The following DLG2 variants were observed in gnomAD, a reference collection of about 807,000 sequenced individuals.
DLG2 encodes disks large homolog 2.
DLG2 carries 45 observed loss-of-function variants against 132.5 expected under a neutral mutation model. The observed-to-expected ratio is 0.34, with a 90% CI of 0.27 to 0.44. DLG2 has a LOEUF of 0.44. Among genes scored for constraint, DLG2 ranks in the 20% least tolerant of loss-of-function variants. The pLI is 1.00. For missense variants in DLG2, 1,045 were observed against 1,196.9 expected, an observed-to-expected ratio of 0.87 and a Z score of 1.87; for synonymous variants, 424 against 419.6, an observed-to-expected ratio of 1.01 and a Z score of -0.13.
At chr11:85,101,651 T>C (rs1416039559) in intron 6 of DLG2, among the ~76,000 whole-genome samples, 4 of 152,118 alleles carry the variant, frequency 2.6e-5, no homozygotes, top group African/African-American at 9.7e-5. Context: ...GTACTCCTAA[T>C]AGCTTACAAA....
At chr11:84,970,072 T>C (rs77236009) in intron 6 of DLG2, among the ~76,000 whole-genome samples, 1 of 151,956 alleles carries the variant, frequency 6.6e-6, no homozygotes, top group African/African-American at 2.4e-5. Context: ...ATGTAGATGA[T>C]AGCTTGATGG....
chr11:83,751,815 AG>A (rs1364045272), intron 18 of DLG2, among the ~76,000 whole-genome samples: 1 of 152,244 alleles, frequency 6.6e-6, no homozygotes, highest in East Asian at 1.9e-4. Flanking sequence ...TAGACATTTA[AG>A]TAGAGAAGTC....
chr11:85,177,495 G>C (rs961826356), intron 4 of DLG2, among the ~76,000 whole-genome samples: 3 of 151,986 alleles, frequency 2.0e-5, no homozygotes, highest in East Asian at 1.9e-4. Context: ...ACATGCAGGG[G>C]AACAACACAC....
chr11:85,411,967 T>C (rs1228584730), intron 3 of DLG2, among the ~76,000 whole-genome samples: 5 of 151,908 alleles, frequency 3.3e-5, no homozygotes, highest in Non-Finnish European at 4.4e-5. Context: ...AAAATGCTCC[T>C]CTGCAAATCC....
intron 8 of DLG2, among the ~76,000 whole-genome samples, chr11:84,242,129 A>C (rs1237251280): frequency 6.6e-6 from 1 of 152,174 alleles, no homozygotes; most frequent in African/African-American, 2.4e-5. Context: ...AGACGGGCCA[A>C]TATTGCTACT....
At chr11:84,068,280 T>G (rs1438919664) in intron 10 of DLG2, among the ~76,000 whole-genome samples, 2 of 152,244 alleles carry the variant, frequency 1.3e-5, no homozygotes, top group Non-Finnish European at 2.9e-5. Flanking sequence ...AGAAGATACT[T>G]CAAATGTCCT....
intron 3 of DLG2, among the ~76,000 whole-genome samples, chr11:85,291,209 C>T (rs886262037): frequency 6.6e-6 from 1 of 152,058 alleles, no homozygotes. Flanking sequence ...TAAGAAAATA[C>T]GATTCTTAAA....
At chr11:84,441,299 A>G (rs2099016734) in intron 7 of DLG2, among the ~76,000 whole-genome samples, 1 of 151,962 alleles carries the variant, frequency 6.6e-6, no homozygotes, top group Non-Finnish European at 1.5e-5. Flanking sequence ...GGCACATACC[A>G]TCATGCTTGG....
intron 15 of DLG2, among the ~76,000 whole-genome samples, chr11:83,892,841 G>A (rs2070368862): frequency 6.6e-6 from 1 of 152,060 alleles, no homozygotes; most frequent in Non-Finnish European, 1.5e-5. Context: ...CCTGGTATAT[G>A]CAAGGAATTA....
chr11:84,770,818 T>C (rs2069224261), intron 6 of DLG2, among the ~76,000 whole-genome samples: 1 of 151,582 alleles, frequency 6.6e-6, no homozygotes, highest in Non-Finnish European at 1.5e-5. Context: ...GCTAATTTTT[T>C]TTTTTTTTTA....
intron 3 of DLG2, among the ~76,000 whole-genome samples, chr11:85,312,424 A>G (rs1403405767): frequency 6.6e-6 from 1 of 150,908 alleles, no homozygotes; most frequent in East Asian, 1.9e-4. Context: ...TATGAGTTAC[A>G]TGTAATATAC....
chr11:84,405,475 T>C (rs189419472), intron 7 of DLG2, among the ~76,000 whole-genome samples: 5 of 152,330 alleles, frequency 3.3e-5, no homozygotes, highest in East Asian at 3.9e-4. Flanking sequence ...TATTGTATGA[T>C]TGGAAGTCTT....
intron 7 of DLG2, among the ~76,000 whole-genome samples, chr11:84,487,377 A>G (rs758318368): frequency 4.6e-4 from 70 of 152,252 alleles, no homozygotes; most frequent in Middle Eastern, 3.4e-3. Context: ...ATATTGTTTC[A>G]TAAGAATTAA....
chr11:85,050,486 G>A (rs2062788561), intron 6 of DLG2, among the ~76,000 whole-genome samples: 6 of 151,970 alleles, frequency 3.9e-5, no homozygotes. Flanking sequence ...CGTAAATGCA[G>A]GAAGAAAGGA....
At chr11:84,926,378 G>A (rs2092977301) in intron 6 of DLG2, among the ~76,000 whole-genome samples, 1 of 151,862 alleles carries the variant, frequency 6.6e-6, no homozygotes, top group South Asian at 2.1e-4. Flanking sequence ...GTGTGTATGT[G>A]TATCTAAAAT....
At chr11:85,539,745 T>A (rs1297801329) in intron 3 of DLG2, among the ~76,000 whole-genome samples, 1 of 152,190 alleles carries the variant, frequency 6.6e-6, no homozygotes, top group Non-Finnish European at 1.5e-5. Context: ...AAATGTTAAA[T>A]TAAAAAAAGT....
rs543774381 is a variant in DLG2, at chr11:84,098,007, C to G, written c.749+916G>C. Among the ~76,000 whole-genome samples the G allele has an allele frequency of 1.2e-3, 184 of 150,426 alleles. 1 individual carries two copies. Among genetic ancestry groups the G allele is most frequent in the African/African-American group, 4.4e-3 (180 of 40,966 alleles). ...CACTGAGAAGTACCTGGCTGCACTC[C>G]CTCCACCAACCTAAACTCACCATGT... is the stretch of plus-strand genomic sequence containing the variant. On this transcript the variant is annotated intron_variant, in intron 10 of 27. Transcript: ENST00000376104.
chr11:85,483,614 C>A (rs915349008), intron 3 of DLG2, among the ~76,000 whole-genome samples: 25 of 152,118 alleles, frequency 1.6e-4, no homozygotes, highest in Non-Finnish European at 2.9e-4. Flanking sequence ...ATGTAAATCA[C>A]TTATAACTTT....
intron 7 of DLG2, among the ~76,000 whole-genome samples, chr11:84,293,174 G>A (rs1345836530): frequency 6.6e-6 from 1 of 151,992 alleles, no homozygotes; most frequent in African/African-American, 2.4e-5. Context: ...GGTGGTGTGT[G>A]TTGGAAGTAT....
Sources: allele counts gnomAD v4.1 joint callset (sites outside exome capture counted in the v4.1 genomes callset), GRCh38; gene constraint gnomAD v4.1.1; transcripts MANE v1.5; gene names NCBI Gene and HGNC (gene_info 2026-07-23, HGNC 2026-07-21).